The following NEGR1 variants were observed in gnomAD, a reference collection of about 807,000 sequenced individuals.
The protein encoded by NEGR1 is IgLON family member 4.
A neutral mutation model predicts 40.9 loss-of-function variants in NEGR1; 10 were observed. That is an observed-to-expected ratio of 0.24 (90% CI 0.15 to 0.42). The LOEUF (loss-of-function observed/expected upper bound fraction) is 0.42. NEGR1 is among the 10% of genes least tolerant of loss of function. The pLI is 1.00. For synonymous variants in NEGR1, 185 were observed against 166.8 expected, an observed-to-expected ratio of 1.11 and a Z score of -0.84; for missense variants, 352 against 438.9, an observed-to-expected ratio of 0.80 and a Z score of 1.77.
intron 3 of NEGR1, among the ~76,000 whole-genome samples, chr1:71,718,297 A>T (rs939661197): frequency 1.3e-5 from 2 of 152,072 alleles, no homozygotes; most frequent in African/African-American, 4.8e-5. Context: ...CTCATTTAAA[A>T]ATGTCTGCAC....
chr1:71,513,341 T>C (rs984020477), intron 6 of NEGR1, among the ~76,000 whole-genome samples: 6 of 152,186 alleles, frequency 3.9e-5, no homozygotes, highest in African/African-American at 1.2e-4. Context: ...GGTTTTCATC[T>C]TGGAGAATCT....
chr1:71,839,378 AT>A lies in NEGR1; in HGVS notation c.410-63082del, dbSNP rs35714893. On this transcript the variant is annotated intron_variant, in intron 2 of 6. Transcript: ENST00000357731. ...GCCACCACATCCAGCTAATTGTTGTATTTTTTTTTTTTAGTAGAGATGGGGT... is the reference window on the plus strand; with the variant it reads ...GCCACCACATCCAGCTAATTGTTGTATTTTTTTTTTTAGTAGAGATGGGGT... Among the ~76,000 whole-genome samples, 633 of 141,470 alleles carry A rather than the reference AT, an allele frequency of 4.5e-3. 3 individuals are homozygous for A. The highest frequency in any genetic ancestry group is 0.012 in the African/African-American group (467 of 38,758). 92.8% of individuals were successfully genotyped at this position (141,470 alleles called of 152,430 possible).
At chr1:71,961,715 T>G (rs999048356) in intron 1 of NEGR1, among the ~76,000 whole-genome samples, 3 of 152,080 alleles carry the variant, frequency 2.0e-5, no homozygotes, top group African/African-American at 7.2e-5. Context: ...ACTTTATTTC[T>G]CAATCTTTCA....
chr1:71,667,164 C>A (rs1429268070), intron 4 of NEGR1, among the ~76,000 whole-genome samples: 1 of 152,088 alleles, frequency 6.6e-6, no homozygotes, highest in Non-Finnish European at 1.5e-5. Flanking sequence ...TTAGCAAATG[C>A]AAAAATCACA....
At chr1:71,410,329 T>G (rs1445349615) in intron 6 of NEGR1, among the ~76,000 whole-genome samples, 1 of 152,070 alleles carries the variant, frequency 6.6e-6, no homozygotes, top group Admixed American at 6.6e-5. Context: ...AGATACCTAA[T>G]GTCAAGTTAC....
intron 6 of NEGR1, among the ~76,000 whole-genome samples, chr1:71,592,177 A>G (rs1002455662): frequency 6.6e-6 from 1 of 152,110 alleles, no homozygotes; most frequent in Non-Finnish European, 1.5e-5. Flanking sequence ...GGAAACATTC[A>G]TGGAGGTTTC....
intron 5 of NEGR1, among the ~76,000 whole-genome samples, chr1:71,599,235 C>A (rs914299934): frequency 1.3e-5 from 2 of 152,056 alleles, no homozygotes; most frequent in African/African-American, 4.8e-5. Context: ...ATGATAGAGT[C>A]TTTTTCCTAG....
At position 71,459,957 on chromosome 1, in the gene NEGR1, G is replaced by A. The variant is rs551697380; in HGVS notation, c.941-52387C>T. 2.0e-5 allele frequency among the ~76,000 whole-genome samples: 3 copies of A among 152,104 alleles called. No homozygotes were observed. The South Asian group carries it at 6.2e-4, about 32-fold the overall frequency. ...TACCATGTATTTATTCATGGTACTT[G>A]TCACAGTTGCAATTTATGTTCATTT... On this transcript the variant is annotated intron_variant, in intron 6 of 6. Coordinates refer to ENST00000357731, the MANE Select transcript of NEGR1 (RefSeq NM_173808.3).
At chr1:71,738,708 A>G (rs969434307) in intron 3 of NEGR1, among the ~76,000 whole-genome samples, 2 of 152,186 alleles carry the variant, frequency 1.3e-5, no homozygotes, top group Non-Finnish European at 2.9e-5. Context: ...AACCCCAGGG[A>G]ACACAGCTCT....
rs1303209528 is a variant in NEGR1, at chr1:71,491,630, C to T, written c.941-84060G>A. ...CCTCACAGCAGAGTGTTTGTTCTCACTCTTCATGCTACTGTGAATGTCATC... is the reference window on the plus strand; with the variant it reads ...CCTCACAGCAGAGTGTTTGTTCTCATTCTTCATGCTACTGTGAATGTCATC... On this transcript the variant is annotated intron_variant, in intron 6 of 6. Transcript: ENST00000357731. Among the ~76,000 whole-genome samples, 4 of 151,026 alleles carry T rather than the reference C, an allele frequency of 2.6e-5. No homozygotes were observed. In the East Asian group the frequency reaches 7.8e-4, roughly 30 times the overall value.
At chr1:71,802,332 A>G (rs1657592303) in intron 2 of NEGR1, among the ~76,000 whole-genome samples, 1 of 152,222 alleles carries the variant, frequency 6.6e-6, no homozygotes, top group African/African-American at 2.4e-5. Context: ...TACTCCATAA[A>G]GAGATTGCCC....
intron 4 of NEGR1, among the ~76,000 whole-genome samples, chr1:71,648,656 A>G (rs1282740609): frequency 6.6e-6 from 1 of 151,984 alleles, no homozygotes; most frequent in Non-Finnish European, 1.5e-5. Flanking sequence ...GGGTTAGAGC[A>G]TCTCCAGAGG....
chr1:71,644,728 C>T (rs1651475860), intron 4 of NEGR1, among the ~76,000 whole-genome samples: 2 of 151,874 alleles, frequency 1.3e-5, no homozygotes, highest in East Asian at 3.9e-4. Flanking sequence ...TATTAAATTA[C>T]ATAACAGCAA....
intron 1 of NEGR1, among the ~76,000 whole-genome samples, chr1:71,965,328 T>C (rs1646201477): frequency 6.6e-6 from 1 of 152,176 alleles, no homozygotes; most frequent in South Asian, 2.1e-4. Context: ...TGCATGTCTA[T>C]ATTACTAATA....
intron 6 of NEGR1, among the ~76,000 whole-genome samples, chr1:71,522,366 C>T (rs1388331610): frequency 1.3e-5 from 2 of 151,836 alleles, no homozygotes; most frequent in African/African-American, 4.8e-5. Context: ...GTGGACAGTT[C>T]CAATTTGTCC....
intron 1 of NEGR1, among the ~76,000 whole-genome samples, chr1:72,238,524 T>G (rs1224838939): frequency 6.6e-6 from 1 of 151,810 alleles, no homozygotes; most frequent in Admixed American, 6.6e-5. Flanking sequence ...GACAGCCCAC[T>G]GCTCTAATAG....
At chr1:72,111,342 T>G (rs557066293) in intron 1 of NEGR1, among the ~76,000 whole-genome samples, 1 of 151,830 alleles carries the variant, frequency 6.6e-6, no homozygotes, top group South Asian at 2.1e-4. Flanking sequence ...CTATTATAAT[T>G]TTAATATTTT....
At chr1:71,948,210 T>C (rs1042555427) in intron 1 of NEGR1, among the ~76,000 whole-genome samples, 4 of 152,146 alleles carry the variant, frequency 2.6e-5, no homozygotes, top group African/African-American at 9.7e-5. Flanking sequence ...ATCAGCGAAT[T>C]AAAATATTTA....
intron 3 of NEGR1, among the ~76,000 whole-genome samples, chr1:71,712,453 A>T (rs1654131031): frequency 6.6e-6 from 1 of 152,162 alleles, no homozygotes; most frequent in Admixed American, 6.5e-5. Context: ...TTTAGGATTC[A>T]GCTGATGGTT....
Sources: gnomAD v4.1 joint callset for allele counts (sites outside exome capture counted in the v4.1 genomes callset) on GRCh38, gnomAD v4.1.1 for gene constraint, MANE v1.5 for transcripts, NCBI Gene and HGNC (gene_info 2026-07-23, HGNC 2026-07-21) for gene names.